The following MAST2 variants were observed in gnomAD, a reference collection of about 807,000 sequenced individuals.
MAST2 encodes microtubule associated serine/threonine kinase 2.
In MAST2, 70 loss-of-function variants were observed where a neutral mutation model predicts 147.4. The observed-to-expected ratio is 0.47, with a 90% CI of 0.39 to 0.58. The LOEUF is 0.58. Ranked by LOEUF, MAST2 falls within the 20% of genes least tolerant of loss-of-function variation. The pLI is 0.00. For synonymous variants in MAST2, 869 were observed against 896.8 expected, an observed-to-expected ratio of 0.97 and a Z score of 0.55; for missense variants, 2,080 against 2,302.3, an observed-to-expected ratio of 0.90 and a Z score of 1.98.
At chr1:45,916,854 G>A (rs1205816740) in intron 4 of MAST2, among the ~76,000 whole-genome samples, 1 of 152,164 alleles carries the variant, frequency 6.6e-6, no homozygotes, top group African/African-American at 2.4e-5. Context: ...CGAGGCGGGT[G>A]GATCACTCGA....
At chr1:45,920,533 C>CT (rs1357967923) in intron 4 of MAST2, among the ~76,000 whole-genome samples, 2 of 152,182 alleles carry the variant, frequency 1.3e-5, no homozygotes, top group Non-Finnish European at 2.9e-5. Flanking sequence ...AATCTGATCT[C>CT]TGATTCCCCA....
Position 45,936,555 on chromosome 1 carries a change from A to G in MAST2, c.501-22831A>G, listed in dbSNP as rs192149165. ...CCTTTGATGCTTAGTTTGTTGAGGT[A>G]CTTGATTGTCTGATCATTTTTTCCT... On this transcript the variant is annotated intron_variant, in intron 4 of 28. Transcript: ENST00000361297. Among the ~76,000 whole-genome samples, 3 of 152,156 alleles carry G rather than the reference A, an allele frequency of 2.0e-5. No homozygotes were observed. The East Asian group carries it at 5.8e-4, about 29-fold the overall frequency.
intron 1 of MAST2, among the ~76,000 whole-genome samples, chr1:45,805,166 A>G (rs2148617407): frequency 6.6e-6 from 1 of 151,366 alleles, no homozygotes; most frequent in Non-Finnish European, 1.5e-5. Flanking sequence ...CTCCTGCCTC[A>G]GCCTCCCGGC....
At chr1:45,993,555 G>T (rs781450472) in intron 5 of MAST2, among the ~76,000 whole-genome samples, 21 of 151,958 alleles carry the variant, frequency 1.4e-4, no homozygotes, top group Admixed American at 1.4e-3. Flanking sequence ...ATGGTGGCGC[G>T]TGCCTGTAAT....
At chr1:45,823,688 T>C (rs1644706138) in intron 1 of MAST2, among the ~76,000 whole-genome samples, 3 of 152,198 alleles carry the variant, frequency 2.0e-5, no homozygotes, top group Admixed American at 2.0e-4. Context: ...TTTGATGTGT[T>C]ACTTATCTGT....
At chr1:45,957,392 T>A (rs1659802863) in intron 4 of MAST2, among the ~76,000 whole-genome samples, 1 of 152,250 alleles carries the variant, frequency 6.6e-6, no homozygotes, top group African/African-American at 2.4e-5. Flanking sequence ...TTATCCAGTC[T>A]GACAATCTCT....
intron 1 of MAST2, among the ~76,000 whole-genome samples, chr1:45,808,472 G>T (rs1390352158): frequency 6.6e-6 from 1 of 152,180 alleles, no homozygotes; most frequent in Non-Finnish European, 1.5e-5. Context: ...GCCTCCCAAA[G>T]TATTAGGATT....
chr1:45,963,381 T>C (rs1243309978), intron 5 of MAST2, among the ~76,000 whole-genome samples: 2 of 152,226 alleles, frequency 1.3e-5, no homozygotes, highest in East Asian at 3.8e-4. Context: ...CGATATTGAT[T>C]CTTCTATCCA....
At chr1:45,991,499 G>C (rs1644854036) in intron 5 of MAST2, among the ~76,000 whole-genome samples, 1 of 152,060 alleles carries the variant, frequency 6.6e-6, no homozygotes, top group Admixed American at 6.6e-5. Context: ...GTCATATTGA[G>C]TCTTCCATTA....
rs772816511 is a variant in MAST2, at chr1:45,917,515, G to A, written c.500+35120G>A. The stretch of plus-strand genomic sequence containing the variant: ...AGCAGTCCTGGCACTCCTTGTTCCA[G>A]CCGCCCACTGCCGTGGAGGTAAGGA... On this transcript the variant is annotated intron_variant, in intron 4 of 28. Coordinates refer to ENST00000361297, the MANE Select transcript of MAST2 (RefSeq NM_015112.3). The A allele has an allele frequency of 1.2e-5, 16 of 1,366,382 alleles. No individual in the cohort carries two copies. In the East Asian group the frequency reaches 1.4e-4, roughly 12 times the overall value. The allele number at this position is 1,366,382 out of a possible 1,614,324, so 84.6% of individuals were successfully genotyped here. A position where few individuals can be genotyped will look rare whatever the true frequency, so the allele number is the denominator to read the frequency against.
intron 3 of MAST2, among the ~76,000 whole-genome samples, chr1:45,863,243 T>G (rs569936770): frequency 6.6e-6 from 1 of 152,366 alleles, no homozygotes; most frequent in East Asian, 1.9e-4. Context: ...CTGATACATA[T>G]GTTTTAGCTA....
intron 3 of MAST2, among the ~76,000 whole-genome samples, chr1:45,842,119 G>A (rs1645295877): frequency 6.6e-6 from 1 of 152,202 alleles, no homozygotes; most frequent in Non-Finnish European, 1.5e-5. Flanking sequence ...CGAACTCCCA[G>A]GCTCAAGTGA....
chr1:45,877,484 A>G (rs1646656427), intron 3 of MAST2, among the ~76,000 whole-genome samples: 1 of 152,170 alleles, frequency 6.6e-6, no homozygotes, highest in South Asian at 2.1e-4. Flanking sequence ...ATACTATCAC[A>G]TTGGATTTTA....
At chr1:45,994,299 T>TTTTTTTTTTA (rs1644966663) in intron 5 of MAST2, among the ~76,000 whole-genome samples, 1 of 128,926 alleles carries the variant, frequency 7.8e-6, no homozygotes, top group African/African-American at 3.1e-5. Flanking sequence ...TTTTTTTTTT[T>TTTTTTTTTTA]GAGAAGGAGT....
In MAST2 at chr1:46,031,471, AGGG is replaced by A; in HGVS notation, c.3074_3076del (p.Arg1025_Ala1026delinsThr). ...GGCCATCAGTGACCTGGCTGTGCGT[AGGG>A]CCCGCCACCGGCTGCTCTCTGGGGA... On this transcript the variant is annotated inframe_deletion, in exon 24 of 29. Transcript: ENST00000361297. The surrounding 1 kb of genome is among the most constrained non-coding windows in gnomAD (Gnocchi z 4.1). 3 of 1,614,010 alleles carry A rather than the reference AGGG, an allele frequency of 1.9e-6. 1 individual carries two copies. In the South Asian group the frequency reaches 3.3e-5, roughly 18 times the overall value.
At position 46,030,608 on chromosome 1, in the gene MAST2, T is replaced by G. The variant is rs1571285489; in HGVS notation, c.2555T>G (p.Val852Gly). Reference protein sequence around the residue: ...FSSCSPRFNKVYSSMERLSLL... With the variant: ...FSSCSPRFNKGYSSMERLSLL... ...CCAGCGCATCCCCTGTGCCCACAGG[T>G]GTACAGCAGCATGGAGCGGCTCTCA... Residue 852 changes from valine (V) to glycine (G), a missense_variant and splice_region_variant, in exon 22 of 29, where the codon GTG becomes GGG. This residue lies in a region of MAST2 where 1,278 missense variants were observed against 1,304.2 expected (regional missense o/e 0.98). Coordinates refer to ENST00000361297, the MANE Select transcript of MAST2 (RefSeq NM_015112.3). 1 of 1,606,956 alleles carries G rather than the reference T, an allele frequency of 6.2e-7. No individual in the cohort carries two copies. The highest frequency in any genetic ancestry group is 8.5e-7 in the Non-Finnish European group (1 of 1,177,890).
intron 18 of MAST2, chr1:46,029,159 A>T: frequency 1.8e-6 from 1 of 567,030 alleles, no homozygotes; most frequent in Middle Eastern, 4.6e-4. Flanking sequence ...CTGGTCTCTC[A>T]TATACACCTG....
intron 4 of MAST2, among the ~76,000 whole-genome samples, chr1:45,942,050 T>TCCTG (rs1657377061): frequency 6.6e-6 from 1 of 152,206 alleles, no homozygotes; most frequent in Non-Finnish European, 1.5e-5. Context: ...GAAAATAGTT[T>TCCTG]TGACTTTGCT....
In MAST2 at chr1:46,036,007, G is replaced by A. The variant is rs1222157172; in HGVS notation, c.5338G>A (p.Gly1780Ser). ...PSLRRGQEPG[G>S]HQKHRDLALV... ...CCTCAGGAGGGGCCAAGAACCAGGG[G>A]GCCATCAAAAGCATCGGGATTTGGC... Residue 1780 changes from glycine to serine, a missense_variant, in exon 29 of 29, where the codon GGC (glycine) becomes AGC (serine). Gly to Ser is a moderately conservative substitution (Grantham distance 56). Transcript: ENST00000361297. The A allele has an allele frequency of 1.2e-6, 2 of 1,613,422 alleles. No homozygotes were observed. Among genetic ancestry groups the A allele is most frequent in the South Asian group, 1.1e-5 (1 of 91,044 alleles).
Sources: gnomAD v4.1 joint callset for allele counts (sites outside exome capture counted in the v4.1 genomes callset) on GRCh38, gnomAD v4.1.1 for gene constraint, gnomAD v4.1.1 regional missense constraint, Gnocchi (gnomAD v3.1) non-coding constraint, MANE v1.5 for transcripts, NCBI Gene and HGNC (gene_info 2026-07-23, HGNC 2026-07-21) for gene names.